GBP2: variants seen among roughly 807,000 people sequenced by gnomAD.
The protein encoded by GBP2 is guanylate-binding protein 2.
A neutral mutation model predicts 60.8 loss-of-function variants in GBP2; 54 were observed. The ratio of observed to expected loss-of-function variants is 0.89; its 90% CI spans 0.71 to 1.11. The LOEUF (loss-of-function observed/expected upper bound fraction) is 1.11, where lower values mean the gene tolerates loss of function less well. GBP2 is among the 50% of genes most tolerant of loss of function. The pLI, the probability that GBP2 is intolerant of heterozygous loss-of-function variation, is 0.00. For synonymous variants in GBP2, 243 were observed against 256.5 expected, an observed-to-expected ratio of 0.95 and a Z score of 0.50; for missense variants, 665 against 703.3, an observed-to-expected ratio of 0.95 and a Z score of 0.62.
intron 4 of GBP2, chr1:89,118,899 T>C (rs763716990): frequency 6.6e-6 from 1 of 152,228 alleles, no homozygotes; most frequent in Non-Finnish European, 1.5e-5. Flanking sequence ...AGTTTTGTTC[T>C]GTACACTTTA....
intron 4 of GBP2, chr1:89,118,777 G>A (rs998112954): frequency 1.3e-5 from 2 of 152,138 alleles, no homozygotes; most frequent in African/African-American, 2.4e-5. Context: ...CATAAGGAAT[G>A]GAATCATCCA....
rs1216283203 is a variant in GBP2, at chr1:89,117,206, A to G, written c.654T>C (p.Asn218=). ...ACTTTCGGATGCACAACCGAGGATC[A>G]TTAAAGCTTTTACTTTTCTTATCAG... ...KGTDKKSKSF[N]DPRLCIRKFF... is the part of the protein sequence containing the mutation. The change falls in exon 6 of 11, where the codon AAT becomes AAC. Residue 218 remains asparagine (N), a synonymous_variant. Coordinates refer to ENST00000370466, the MANE Select transcript of GBP2 (RefSeq NM_004120.5). 2 of 1,614,030 alleles carry G rather than the reference A, an allele frequency of 1.2e-6. No individual in the cohort carries two copies. The highest frequency in any genetic ancestry group is 1.1e-5 in the South Asian group (1 of 91,088).
intron 6 of GBP2, among the ~76,000 whole-genome samples, chr1:89,116,306 G>C (rs1162329988): frequency 6.6e-6 from 1 of 152,062 alleles, no homozygotes; most frequent in East Asian, 1.9e-4. Flanking sequence ...TAGCCACCGT[G>C]CCCAGCCAAC....
At chr1:89,108,491 A>AC (rs1291910202) in intron 10 of GBP2, among the ~76,000 whole-genome samples, 200 bp from the exon 11 acceptor site, 1 of 152,160 alleles carries the variant, frequency 6.6e-6, no homozygotes, top group Non-Finnish European at 1.5e-5. Context: ...AATATTAGTG[A>AC]CCCAGCGTTT....
At position 89,117,115 on chromosome 1, in the gene GBP2, C is replaced by G. The variant is rs1174515641; in HGVS notation, c.745G>C (p.Glu249Gln). ...PAPKKYLAHL[E>Q]QLKEEELNPD... ...TTCAGCTCTTCCTCCTTTAGCTGCTCTAGGTGAGCAAGGTACTTCTTAGGA... is the reference window on the plus strand; with the variant it reads ...TTCAGCTCTTCCTCCTTTAGCTGCTGTAGGTGAGCAAGGTACTTCTTAGGA... Residue 249 changes from glutamate (E) to glutamine (Q), a missense_variant, in exon 6 of 11, where the codon GAG (glutamate) becomes CAG (glutamine). By Grantham distance (29) the Glu-to-Gln change is conservative. Coordinates refer to ENST00000370466, the MANE Select transcript of GBP2 (RefSeq NM_004120.5). 6.2e-7 allele frequency: 1 copy of G among 1,614,156 alleles called. No individual in the cohort carries two copies. The highest frequency in any genetic ancestry group is 8.5e-7 in the Non-Finnish European group (1 of 1,180,026).
chr1:89,125,777 C>T (rs1337732834), intron 1 of GBP2, 86 bp downstream of exon 1: 1 of 152,222 alleles, frequency 6.6e-6, no homozygotes, highest in African/African-American at 2.4e-5. Context: ...ACAGCAGGCT[C>T]AGCTGCGGCC....
intron 1 of GBP2, among the ~76,000 whole-genome samples, 193 bp downstream of exon 1, chr1:89,125,668 ATC>A (rs1389417483): frequency 6.6e-6 from 1 of 152,208 alleles, no homozygotes; most frequent in African/African-American, 2.4e-5. Flanking sequence ...AAACATTCCC[ATC>A]TCTCTATGCT....
In GBP2 at chr1:89,114,190, T is replaced by C; in HGVS notation, c.975A>G (p.Ala325=). 1.2e-6 allele frequency: 2 copies of C among 1,614,232 alleles called. No homozygotes were observed. The highest frequency in any genetic ancestry group is 1.7e-6 in the Non-Finnish European group (2 of 1,180,042). ...LALAQIENSA[A]VEKAIAHYEQ... ...CATAGTGGGCAATAGCCTTTTCCACTGCGGCTGAGTTCTCTATCTGGGCCA... is the reference window on the plus strand; with the variant it reads ...CATAGTGGGCAATAGCCTTTTCCACCGCGGCTGAGTTCTCTATCTGGGCCA... The change falls in exon 7 of 11, where the codon GCA becomes GCG. Residue 325 remains alanine, a synonymous_variant. Coordinates refer to ENST00000370466, the MANE Select transcript of GBP2 (RefSeq NM_004120.5).
In GBP2 at chr1:89,108,135, G is replaced by A; in HGVS notation, c.*40C>T. ...GTTGCTCATTCATGTTGTTTCTTGGGGAGAGGGAGCTGGACAGGCAAATTT... is the reference window on the plus strand; with the variant it reads ...GTTGCTCATTCATGTTGTTTCTTGGAGAGAGGGAGCTGGACAGGCAAATTT... On this transcript the variant is annotated 3_prime_UTR_variant, in exon 11 of 11. Coordinates refer to ENST00000370466, the MANE Select transcript of GBP2 (RefSeq NM_004120.5). The A allele has an allele frequency of 1.9e-6, 2 of 1,061,746 alleles. No homozygotes were observed. Among genetic ancestry groups the A allele is most frequent in the Non-Finnish European group, 2.9e-6 (2 of 690,802 alleles). The allele number at this position is 1,061,746 out of a possible 1,614,324, so 65.8% of individuals were successfully genotyped here. A position where few individuals can be genotyped will look rare whatever the true frequency, so the allele number is the denominator to read the frequency against.
rs372246350 is a variant in GBP2 at position 89,109,875 on chromosome 1, G to A, written c.1466-5C>T. 63 of 1,604,614 alleles carry A rather than the reference G, an allele frequency of 3.9e-5. No individual in the cohort carries two copies. The African/African-American group carries it at 8.1e-4, about 21-fold the overall frequency. ...ATTCAGCCTTTATACGTTCCACTGTGGAAGAAAAATAAGCAGAAAAAGATA... is the reference window on the plus strand; with the variant it reads ...ATTCAGCCTTTATACGTTCCACTGTAGAAGAAAAATAAGCAGAAAAAGATA... On this transcript the variant is annotated splice_region_variant and splice_polypyrimidine_tract_variant and intron_variant, in intron 9 of 10. Transcript: ENST00000370466.
intron 3 of GBP2, among the ~76,000 whole-genome samples, chr1:89,120,711 G>T (rs1297107313): frequency 6.6e-6 from 1 of 152,072 alleles, no homozygotes; most frequent in Admixed American, 6.5e-5. Flanking sequence ...TATCCTTAAT[G>T]AGCAAAGATG....
chr1:89,119,356 A>G (rs1200458570), intron 4 of GBP2: 1 of 152,204 alleles, frequency 6.6e-6, no homozygotes, highest in Middle Eastern at 3.2e-3. Context: ...GGTGATCTTG[A>G]TGAAATCTAA....
In GBP2 at chr1:89,114,140, T is replaced by A; in HGVS notation, c.1025A>T (p.Gln342Leu). 6.2e-7 allele frequency: 1 copy of A among 1,614,242 alleles called. No individual in the cohort carries two copies. Among genetic ancestry groups the A allele is most frequent in the Non-Finnish European group, 8.5e-7 (1 of 1,180,038 alleles). The change falls in exon 7 of 11, where the codon CAG becomes CTG. Residue 342 changes from glutamine (Q) to leucine (L), a missense_variant. By Grantham distance (113) the Gln-to-Leu change is moderately radical. Transcript: ENST00000370466. ...HYEQQMGQKVQLPTETLQELL... is the reference protein window; with the variant it reads ...HYEQQMGQKVLLPTETLQELL... ...CTCCTGGAGGGTTTCCGTGGGCAGCTGCACCTTCTGGCCCATCTGCTGTTC... is the reference window on the plus strand; with the variant it reads ...CTCCTGGAGGGTTTCCGTGGGCAGCAGCACCTTCTGGCCCATCTGCTGTTC...
intron 1 of GBP2, among the ~76,000 whole-genome samples, chr1:89,122,270 G>A (rs1459703025): frequency 1.3e-5 from 2 of 152,118 alleles, no homozygotes; most frequent in Non-Finnish European, 2.9e-5. Flanking sequence ...CATAGAACAA[G>A]GATTTTAACA....
chr1:89,110,024 A>G, intron 9 of GBP2, 140 bp downstream of exon 9: 4 of 921,922 alleles, frequency 4.3e-6, no homozygotes, highest in Non-Finnish European at 6.5e-6. Context: ...GATCATACAG[A>G]TTAGTTAAGA....
At chr1:89,109,958 C>T in intron 9 of GBP2, 88 bp from the exon 10 acceptor site, 1 of 1,266,160 alleles carries the variant, frequency 7.9e-7, no homozygotes, top group Non-Finnish European at 1.1e-6. Context: ...TTGTCTTATC[C>T]TTACATCATT....
chr1:89,109,732 C>G lies in GBP2; in HGVS notation c.1604G>C (p.Arg535Thr). The change falls in exon 10 of 11, where the codon AGG becomes ACG. Residue 535 changes from arginine (R) to threonine (T), a missense_variant. By Grantham distance (71) the Arg-to-Thr change is moderately conservative (BLOSUM62 -1). Transcript: ENST00000370466. ...CTCTGCCATTAACTGGGCCCTGTCC[C>G]TCTCCATCTTCTCAGTCAATTGTTT... is the stretch of plus-strand genomic sequence containing the variant. The part of the protein sequence containing the change: ...HVKQLTEKME[R>T]DRAQLMAEQE... 6.2e-7 allele frequency: 1 copy of G among 1,614,150 alleles called. No homozygotes were observed. The highest frequency in any genetic ancestry group is 2.2e-5 in the East Asian group (1 of 44,876).
rs767822323 is a variant in GBP2, at chr1:89,112,472, C to G, written c.1362G>C (p.Gln454His). 2.5e-6 allele frequency: 4 copies of G among 1,613,542 alleles called. No homozygotes were observed. The South Asian group carries it at 3.3e-5, about 13-fold the overall frequency. ...AAATGGTACCCACCGTGTAGTTTAC[C>G]TGTATCCCCTTCCTTGGCACCTGGT... ...KYYQVPRKGI[Q>H]AKEVLKKYLE... Residue 454 changes from glutamine to histidine, a missense_variant and splice_region_variant, in exon 8 of 11, where the codon CAG becomes CAC. Coordinates refer to ENST00000370466, the MANE Select transcript of GBP2 (RefSeq NM_004120.5).
Position 89,108,006 on chromosome 1 carries a change from T to C in GBP2, c.*169A>G. The C allele has an allele frequency of 1.8e-6, 1 of 555,744 alleles. No homozygotes were observed. The highest frequency in any genetic ancestry group is 3.2e-6 in the Non-Finnish European group (1 of 310,192). 34.4% of individuals were successfully genotyped at this position (555,744 alleles called of 1,614,324 possible). Reference sequence around the variant, plus strand: ...GTTGAATTGCTCTGTAGGTAAAACATTGACCTCATACTTAACCTTTACTTT... The same window carrying C: ...GTTGAATTGCTCTGTAGGTAAAACACTGACCTCATACTTAACCTTTACTTT... On this transcript the variant is annotated 3_prime_UTR_variant, in exon 11 of 11. Transcript: ENST00000370466.
Sources: gnomAD v4.1 joint callset for allele counts (sites outside exome capture counted in the v4.1 genomes callset) on GRCh38, gnomAD v4.1.1 for gene constraint, MANE v1.5 for transcripts, NCBI Gene and HGNC (gene_info 2026-07-23, HGNC 2026-07-21) for gene names.